SARDH: variants seen among roughly 807,000 people sequenced by gnomAD.
SARDH encodes the protein sarcosine dehydrogenase.
SARDH carries 95 observed loss-of-function variants against 109.1 expected under a neutral mutation model. That is an observed-to-expected ratio of 0.87 (90% CI 0.74 to 1.03). The LOEUF (loss-of-function observed/expected upper bound fraction) is 1.03, where lower values mean the gene tolerates loss of function less well. Among genes scored for constraint, SARDH ranks in the 50% least tolerant of loss-of-function variants. SARDH has a pLI of 0.00. For synonymous variants in SARDH, 572 were observed against 534.8 expected (o/e 1.07, Z -0.96); for missense variants, 1,267 against 1,287.8 (o/e 0.98, Z 0.25).
At chr9:133,677,823 C>T (rs575835819) in intron 17 of SARDH, among the ~76,000 whole-genome samples, 12 of 152,336 alleles carry the variant, frequency 7.9e-5, no homozygotes, top group South Asian at 2.1e-4. Context: ...CCAGCAGAGC[C>T]GCCTGCCACT....
chr9:133,712,727 G>A lies in SARDH; in HGVS notation c.1238-18C>T, dbSNP rs148450775. ...CATCATTCCTGGCAGGAAGAGAAGC[G>A]CAGGGCTGCGGTCTGCCCCCCAGGG... On this transcript the variant is annotated intron_variant, in intron 9 of 20. Coordinates refer to ENST00000439388, the MANE Select transcript of SARDH (RefSeq NM_001134707.2). This position sits in a 1 kb window ranked among gnomAD's most constrained non-coding sequence, Gnocchi z 4.1. 1,191 of 1,603,194 alleles carry A rather than the reference G, an allele frequency of 7.4e-4. 14 individuals are homozygous for A. The African/African-American group carries it at 0.014, about 18-fold the overall frequency.
rs1831854033 is a variant in SARDH at position 133,709,981 on chromosome 9, G to T, written c.1329-1553C>A. Among the ~76,000 whole-genome samples, 1 of 152,208 alleles carries T rather than the reference G, an allele frequency of 6.6e-6. No individual in the cohort carries two copies. Among genetic ancestry groups the T allele is most frequent in the Non-Finnish European group, 1.5e-5 (1 of 68,052 alleles). On this transcript the variant is annotated intron_variant, in intron 10 of 20. Transcript: ENST00000439388. The surrounding 1 kb of genome is among the most constrained non-coding windows in gnomAD (Gnocchi z 4.2). Reference sequence around the variant, plus strand: ...GCAGCAGTGAGGTGCACGTCGGGTGGCAGGAGCAGCGAGTGACCTACAGAG... The same window carrying T: ...GCAGCAGTGAGGTGCACGTCGGGTGTCAGGAGCAGCGAGTGACCTACAGAG...
chr9:133,735,526 C>G (rs557444562), intron 1 of SARDH, among the ~76,000 whole-genome samples: 3 of 152,352 alleles, frequency 2.0e-5, no homozygotes, highest in Admixed American at 1.3e-4. Flanking sequence ...AAAGGAGTCA[C>G]CATGTCCTGG....
intron 4 of SARDH, 79 bp downstream of exon 4, chr9:133,731,226 T>C (rs942526171): frequency 6.5e-7 from 1 of 1,542,482 alleles, no homozygotes; most frequent in African/African-American, 1.4e-5. Flanking sequence ...TCTTGTTCTC[T>C]TCCCTTCTGC....
In SARDH at chr9:133,718,160, C is replaced by T. The variant is rs1048540552; in HGVS notation, c.1021-705G>A. On this transcript the variant is annotated intron_variant, in intron 7 of 20. Transcript: ENST00000439388. The surrounding 1 kb of genome is among the most constrained non-coding windows in gnomAD (Gnocchi z 4.2). ...GATCTCGGCTCACTGCCACCTCCATCTCCCGGGTTCAAGTGATTCTCCTGC... is the reference window on the plus strand; with the variant it reads ...GATCTCGGCTCACTGCCACCTCCATTTCCCGGGTTCAAGTGATTCTCCTGC... Among the ~76,000 whole-genome samples, 2 of 152,186 alleles carry T rather than the reference C, an allele frequency of 1.3e-5. No homozygotes were observed. The highest frequency in any genetic ancestry group is 6.5e-5 in the Admixed American group (1 of 15,276).
downstream of SARDH, among the ~76,000 whole-genome samples, chr9:133,660,900 A>T (rs1253516444): frequency 6.6e-6 from 1 of 152,170 alleles, no homozygotes; most frequent in Non-Finnish European, 1.5e-5. Flanking sequence ...GATTAATTTT[A>T]AATTAATTAA....
intron 17 of SARDH, among the ~76,000 whole-genome samples, chr9:133,677,091 G>T (rs555407314): frequency 1.6e-4 from 25 of 152,076 alleles, no homozygotes; most frequent in Non-Finnish European, 3.7e-4. Flanking sequence ...GCGAGCCAAG[G>T]TCGCCCCACT....
intron 8 of SARDH, among the ~76,000 whole-genome samples, chr9:133,714,782 G>A (rs1197293653): frequency 6.6e-6 from 1 of 152,122 alleles, no homozygotes; most frequent in Non-Finnish European, 1.5e-5. Flanking sequence ...CTTTAAAAAA[G>A]GGGGGATTGG....
chr9:133,736,638 C>T (rs1056991802), intron 1 of SARDH, among the ~76,000 whole-genome samples: 7 of 152,276 alleles, frequency 4.6e-5, no homozygotes, highest in East Asian at 3.9e-4. Context: ...TCAGGTGATC[C>T]GCCTGCCTCG....
chr9:133,734,114 G>A lies in SARDH; in HGVS notation c.60C>T (p.Thr20=), dbSNP rs774561407. 4 of 1,611,874 alleles carry A rather than the reference G, an allele frequency of 2.5e-6. No homozygotes were observed. The highest frequency in any genetic ancestry group is 2.2e-5 in the South Asian group (2 of 90,906). ...ACAGGTTGCATGGCCCCATGCCCCG[G>A]GTAGGGCTCTGGCGAGGGTGGGCAG... ...VAAAHPRQSP[T]RGMGPCNLSS... Residue 20 remains threonine (T), a synonymous_variant, in exon 2 of 21, where the codon ACC becomes ACT. Coordinates refer to ENST00000439388, the MANE Select transcript of SARDH (RefSeq NM_001134707.2).
chr9:133,732,383 C>A, intron 3 of SARDH, 40 bp downstream of exon 3: 1 of 1,167,996 alleles, frequency 8.6e-7, no homozygotes, highest in Non-Finnish European at 1.2e-6. Flanking sequence ...CACCCACCCA[C>A]CCAAGCCCCC....
At chr9:133,732,656 C>T in intron 2 of SARDH, 55 bp from the exon 3 acceptor site, 1 of 1,529,132 alleles carries the variant, frequency 6.5e-7, no homozygotes, top group Non-Finnish European at 8.8e-7. Flanking sequence ...CACCTCCTTC[C>T]CCCAGACGAA....
At chr9:133,714,551 G>A (rs947001961) in intron 8 of SARDH, among the ~76,000 whole-genome samples, 1 of 152,240 alleles carries the variant, frequency 6.6e-6, no homozygotes, top group Non-Finnish European at 1.5e-5. Flanking sequence ...GGCCAAGGCA[G>A]GCGGATGTCT....
intron 6 of SARDH, among the ~76,000 whole-genome samples, chr9:133,726,943 A>G (rs1832514204): frequency 6.6e-6 from 1 of 152,100 alleles, no homozygotes; most frequent in Admixed American, 6.5e-5. Flanking sequence ...GGCAGTAGGG[A>G]TGGTTATGAC....
At chr9:133,675,130 G>A (rs1469522863) in intron 17 of SARDH, among the ~76,000 whole-genome samples, 2 of 152,098 alleles carry the variant, frequency 1.3e-5, no homozygotes, top group Admixed American at 1.3e-4. Flanking sequence ...GACCATCTGA[G>A]GTCAGGAGCT....
Position 133,663,738 on chromosome 9 carries a change from T to G in SARDH, c.*151A>C. ...GATGGGCCATCTTGGTCTCTGTCCG[T>G]ATCTGGTTTGGGGGTTTTCGCAGGA... On this transcript the variant is annotated 3_prime_UTR_variant, in exon 21 of 21. Coordinates refer to ENST00000439388, the MANE Select transcript of SARDH (RefSeq NM_001134707.2). The G allele has an allele frequency of 3.8e-6, 4 of 1,054,966 alleles. No homozygotes were observed. Among genetic ancestry groups the G allele is most frequent in the Non-Finnish European group, 5.6e-6 (4 of 717,204 alleles). The allele number at this position is 1,054,966 out of a possible 1,614,324, so 65.4% of individuals were successfully genotyped here. A position where few individuals can be genotyped will look rare whatever the true frequency, so the allele number is the denominator to read the frequency against.
chr9:133,679,525 C>A (rs1478744477), intron 17 of SARDH, among the ~76,000 whole-genome samples: 1 of 152,202 alleles, frequency 6.6e-6, no homozygotes, highest in African/African-American at 2.4e-5. Flanking sequence ...CGCGGCGGGG[C>A]CCGTCCTCGG....
chr9:133,682,136 G>T (rs150846412), intron 17 of SARDH, among the ~76,000 whole-genome samples: 5 of 152,304 alleles, frequency 3.3e-5, no homozygotes, highest in African/African-American at 1.2e-4. Context: ...TCTACTGGGA[G>T]GACGGTGTTC....
chr9:133,736,901 G>T (rs1832903014), intron 1 of SARDH, among the ~76,000 whole-genome samples: 1 of 152,256 alleles, frequency 6.6e-6, no homozygotes, highest in African/African-American at 2.4e-5. Context: ...ATCTAAGAAA[G>T]TCAGCATCCT....
Sources: gnomAD v4.1 joint callset for allele counts (sites outside exome capture counted in the v4.1 genomes callset) on GRCh38, gnomAD v4.1.1 for gene constraint, Gnocchi (gnomAD v3.1) non-coding constraint, MANE v1.5 for transcripts, NCBI Gene and HGNC (gene_info 2026-07-23, HGNC 2026-07-21) for gene names.